The following METTL15 variants were observed in gnomAD, a reference collection of about 807,000 sequenced individuals.
The protein encoded by METTL15 is 12S rRNA N(4)-cytidine methyltransferase METTL15.
METTL15 carries 34 observed loss-of-function variants against 38.3 expected under a neutral mutation model. That is an observed-to-expected ratio of 0.89 (90% CI 0.68 to 1.18). The LOEUF (loss-of-function observed/expected upper bound fraction) is 1.18. METTL15 is among the 50% of genes most tolerant of loss of function. The pLI, the probability that METTL15 is intolerant of heterozygous loss-of-function variation, is 0.00. For missense variants in METTL15, 438 were observed against 498.4 expected (o/e 0.88, Z 1.15); for synonymous variants, 162 against 170.9 (o/e 0.95, Z 0.41).
intron 6 of METTL15, among the ~76,000 whole-genome samples, chr11:28,494,995 A>G (rs992699059): frequency 2.6e-5 from 4 of 152,206 alleles, no homozygotes; most frequent in Admixed American, 2.6e-4. Context: ...TATGTATAAA[A>G]CACTTCACAC....
chr11:28,236,279 G>C (rs1417368633), intron 4 of METTL15, among the ~76,000 whole-genome samples: 2 of 152,004 alleles, frequency 1.3e-5, no homozygotes, highest in Admixed American at 1.3e-4. Context: ...TTTTTTGGTT[G>C]TGTCTCTGCC....
At chr11:28,295,409 T>C (rs1856694819) in intron 5 of METTL15, among the ~76,000 whole-genome samples, 1 of 151,976 alleles carries the variant, frequency 6.6e-6, no homozygotes, top group African/African-American at 2.4e-5. Flanking sequence ...CCTACTGAGA[T>C]AGAAATAGGG....
chr11:28,122,787 A>C (rs1852307843), intron 3 of METTL15, among the ~76,000 whole-genome samples: 1 of 151,946 alleles, frequency 6.6e-6, no homozygotes, highest in African/African-American at 2.4e-5. Context: ...TTACTAGGAC[A>C]TCAAATAATT....
intron 4 of METTL15, among the ~76,000 whole-genome samples, chr11:28,217,120 C>A (rs1181132099): frequency 6.6e-6 from 1 of 152,122 alleles, no homozygotes; most frequent in Non-Finnish European, 1.5e-5. Flanking sequence ...AATTCTAGAT[C>A]CCTGAGGAAT....
chr11:28,358,569 C>A (rs1050450902), intron 4 of METTL15, among the ~76,000 whole-genome samples: 1 of 152,138 alleles, frequency 6.6e-6, no homozygotes, highest in African/African-American at 2.4e-5. Flanking sequence ...GATTTTGAAA[C>A]CTTCCTATTG....
At chr11:28,268,970 C>G (rs189753960) in intron 4 of METTL15, among the ~76,000 whole-genome samples, 1 of 152,216 alleles carries the variant, frequency 6.6e-6, no homozygotes, top group South Asian at 2.1e-4. Flanking sequence ...GCATCTTAAA[C>G]CACCAGGTAC....
intron 3 of METTL15, chr11:28,123,771 C>T (rs1852351123): frequency 2.4e-6 from 2 of 832,774 alleles, no homozygotes; most frequent in Admixed American, 3.3e-5. Flanking sequence ...CCTATTTGGC[C>T]TGTGTCATCT....
At position 28,369,452 on chromosome 11, in the gene METTL15, A is replaced by T. The variant is rs556572788; in HGVS notation, c.*358+7416A>T. ...ATACATCCAAATTCAAGGAGCTCAA[A>T]GGACCCAACTAGGATAAATTGAAAG... On this transcript the variant is annotated intron_variant and NMD_transcript_variant, in intron 5 of 7. Coordinates refer to the METTL15 transcript ENST00000532947. Among the ~76,000 whole-genome samples the T allele has an allele frequency of 9.9e-5, 15 of 152,228 alleles. No individual in the cohort carries two copies. The South Asian group carries it at 3.1e-3, about 32-fold the overall frequency.
At chr11:28,510,348 C>T (rs949653028) in intron 6 of METTL15, among the ~76,000 whole-genome samples, 1 of 151,910 alleles carries the variant, frequency 6.6e-6, no homozygotes. Flanking sequence ...GTTTATTTTC[C>T]TTTGATGTAA....
rs1851496658 is a variant in METTL15, at chr11:28,491,735, A to AT, written c.*425-34741dup. Among the ~76,000 whole-genome samples, 6 of 152,298 alleles carry AT rather than the reference A, an allele frequency of 3.9e-5. No individual in the cohort carries two copies. The Middle Eastern group carries it at 0.01, about 259-fold the overall frequency. The stretch of plus-strand genomic sequence containing the variant: ...TTACCAGATATAATATAGAACATCA[A>AT]TTAAATGTGAATTTCAGATAGACAA... On this transcript the variant is annotated intron_variant and NMD_transcript_variant, in intron 6 of 7. Transcript: ENST00000532947.
intron 6 of METTL15, among the ~76,000 whole-genome samples, chr11:28,469,770 C>T (rs1419559060): frequency 6.6e-6 from 1 of 151,852 alleles, no homozygotes; most frequent in Non-Finnish European, 1.5e-5. Context: ...TTGATACACA[C>T]AAAATTCATG....
intron 6 of METTL15, among the ~76,000 whole-genome samples, chr11:28,317,528 C>G (rs540648481): frequency 6.6e-6 from 1 of 152,014 alleles, no homozygotes; most frequent in Non-Finnish European, 1.5e-5. Context: ...AGCCACAGCA[C>G]GATGCTAATT....
chr11:28,359,187 T>A (rs2133366636), intron 4 of METTL15, among the ~76,000 whole-genome samples: 2 of 152,336 alleles, frequency 1.3e-5, no homozygotes, highest in East Asian at 3.9e-4. Context: ...ATGTGGTGTT[T>A]GGTTTTTTGT....
Position 28,330,545 on chromosome 11 carries a change from C to T in METTL15, c.928C>T (p.Leu310=). The change falls in exon 7 of 7, where the codon CTG becomes TTG. Residue 310 remains leucine, a synonymous_variant. Coordinates refer to ENST00000407364, the MANE Select transcript of METTL15 (RefSeq NM_001113528.2). ...YTGLKTAQKF[L]RPGGRLVALS... is the part of the protein sequence containing the mutation. Reference sequence around the variant, plus strand: ...GGGACTGAAGACAGCTCAGAAGTTTCTGAGACCTGGTGGTCGTCTTGTTGC... The same window carrying T: ...GGGACTGAAGACAGCTCAGAAGTTTTTGAGACCTGGTGGTCGTCTTGTTGC... 6.4e-7 allele frequency: 1 copy of T among 1,551,722 alleles called. No individual in the cohort carries two copies. Among genetic ancestry groups the T allele is most frequent in the Non-Finnish European group, 8.7e-7 (1 of 1,146,974 alleles).
intron 3 of METTL15, among the ~76,000 whole-genome samples, chr11:28,128,574 T>G (rs768954834): frequency 2.0e-5 from 3 of 152,088 alleles, no homozygotes; most frequent in Non-Finnish European, 4.4e-5. Context: ...GAAACTTAAA[T>G]TTTTTACAAT....
intron 3 of METTL15, among the ~76,000 whole-genome samples, chr11:28,186,369 G>T (rs573904584): frequency 3.4e-4 from 51 of 151,224 alleles, no homozygotes; most frequent in African/African-American, 1.2e-3. Flanking sequence ...AACAAAAAAT[G>T]ATTTTATGTC....
At chr11:28,181,166 A>G (rs1327890564) in intron 3 of METTL15, among the ~76,000 whole-genome samples, 2 of 151,668 alleles carry the variant, frequency 1.3e-5, no homozygotes, top group African/African-American at 2.4e-5. Flanking sequence ...CTGTATACAT[A>G]TGTACACAGG....
intron 4 of METTL15, among the ~76,000 whole-genome samples, chr11:28,228,368 C>T (rs1178389344): frequency 6.6e-6 from 1 of 151,868 alleles, no homozygotes; most frequent in Non-Finnish European, 1.5e-5. Flanking sequence ...CACTCTGCTA[C>T]TCAGTTTTCT....
intron 6 of METTL15, among the ~76,000 whole-genome samples, chr11:28,512,552 A>AC (rs1440810257): frequency 6.6e-6 from 1 of 152,114 alleles, no homozygotes; most frequent in East Asian, 1.9e-4. Flanking sequence ...GACCCAGTAC[A>AC]CCCTCCGAGG....
Sources: gnomAD v4.1 joint callset for allele counts (sites outside exome capture counted in the v4.1 genomes callset) on GRCh38, gnomAD v4.1.1 for gene constraint, MANE v1.5 for transcripts, NCBI Gene and HGNC (gene_info 2026-07-23, HGNC 2026-07-21) for gene names.